Variants in CACNA1D observed in about 807,000 individuals in gnomAD.
CACNA1D encodes the protein calcium voltage-gated channel subunit alpha1 D, also known as voltage-dependent L-type calcium channel subunit alpha-1D.
Under a neutral mutation model 257.1 loss-of-function variants are expected in CACNA1D, and 55 were observed. The observed-to-expected ratio is 0.21, with a 90% confidence interval of 0.17 to 0.27. The LOEUF is 0.27. Among genes scored for constraint, CACNA1D ranks in the 10% least tolerant of loss-of-function variants. The pLI is 1.00. For missense variants in CACNA1D, 1,876 were observed against 2,784.0 expected (o/e 0.67, Z 7.34); for synonymous variants, 980 against 1,014.9 (o/e 0.97, Z 0.65).
intron 3 of CACNA1D, among the ~76,000 whole-genome samples, chr3:53,566,775 C>T (rs2092849452): frequency 6.6e-6 from 1 of 152,194 alleles, no homozygotes; most frequent in African/African-American, 2.4e-5. Context: ...TTGCTTGCCT[C>T]TCTGTCGGAA....
chr3:53,572,623 C>T (rs1207889302), intron 3 of CACNA1D, among the ~76,000 whole-genome samples: 1 of 152,118 alleles, frequency 6.6e-6, no homozygotes, highest in Non-Finnish European at 1.5e-5. Context: ...TGGTCTCGAA[C>T]TCATAAGCTG....
Position 53,673,931 on chromosome 3 carries a change from T to TC in CACNA1D, c.1220+806dup, listed in dbSNP as rs2094349479. 1.3e-6 allele frequency: 1 copy of TC among 754,960 alleles called. No homozygotes were observed. The highest frequency in any genetic ancestry group is 2.5e-6 in the Non-Finnish European group (1 of 406,748). 46.8% of individuals were successfully genotyped at this position (754,960 alleles called of 1,614,324 possible). On this transcript the variant is annotated intron_variant, in intron 8 of 47. Coordinates refer to ENST00000350061, the MANE Select transcript of CACNA1D (RefSeq NM_001128840.3). This position sits in a 1 kb window ranked among gnomAD's most constrained non-coding sequence, Gnocchi z 4.1. ...TGCATGTGTTTGGACTCTGATGTCC[T>TC]CTCAGTGTGTTGCTTTTGGATTGAA...
intron 4 of CACNA1D, among the ~76,000 whole-genome samples, chr3:53,653,085 TAC>T (rs2094113992): frequency 2.6e-5 from 4 of 152,162 alleles, no homozygotes; most frequent in Admixed American, 6.5e-5. Context: ...ACCCCCTGTC[TAC>T]TAAAAATGCA....
At position 53,800,370 on chromosome 3, in the gene CACNA1D, T is replaced by C; in HGVS notation, c.5040+5T>C. 2 of 1,566,096 alleles carry C rather than the reference T, an allele frequency of 1.3e-6. No homozygotes were observed. Among genetic ancestry groups the C allele is most frequent in the Non-Finnish European group, 1.8e-6 (2 of 1,136,038 alleles). On this transcript the variant is annotated splice_donor_5th_base_variant and intron_variant, in intron 41 of 47. Coordinates refer to ENST00000350061, the MANE Select transcript of CACNA1D (RefSeq NM_001128840.3). The surrounding 1 kb of genome is among the most constrained non-coding windows in gnomAD (Gnocchi z 4.3). ...GAAGAAGATGATGTGTTCAAAGTAA[T>C]TATTCCACGCCTAGCTACACACTGG...
chr3:53,639,859 C>CTTTTTTTTTT (rs34925431), intron 3 of CACNA1D, among the ~76,000 whole-genome samples: 1 of 102,076 alleles, frequency 9.8e-6, no homozygotes, highest in Non-Finnish European at 1.9e-5. Flanking sequence ...TCATTTCTTA[C>CTTTTTTTTTT]TTTTTTTTTT....
intron 5 of CACNA1D, among the ~76,000 whole-genome samples, chr3:53,660,599 C>T (rs866714431): frequency 2.6e-5 from 4 of 152,232 alleles, no homozygotes; most frequent in Non-Finnish European, 4.4e-5. Flanking sequence ...CAACATGCTG[C>T]CATCCACGCC....
chr3:53,809,818 C>T, intron 46 of CACNA1D, 160 bp from the exon 47 acceptor site: 1 of 704,206 alleles, frequency 1.4e-6, no homozygotes, highest in Non-Finnish European at 2.6e-6. Flanking sequence ...GTCATCACCG[C>T]CCATTCATTC....
intron 29 of CACNA1D, among the ~76,000 whole-genome samples, chr3:53,755,179 C>T (rs576046288): frequency 6.6e-6 from 1 of 152,320 alleles, no homozygotes; most frequent in Non-Finnish European, 1.5e-5. Flanking sequence ...ATCGAAGGTA[C>T]TTGAGAAATG....
At position 53,745,798 on chromosome 3, in the gene CACNA1D, A is replaced by G. The variant is rs3821860; in HGVS notation, c.3115-25A>G. The G allele has an allele frequency of 0.36, 572,191 of 1,608,548 alleles. 105,981 individuals are homozygous for G. The highest frequency in any genetic ancestry group is 0.39 in the Non-Finnish European group (454,109 of 1,175,010). On this transcript the variant is annotated intron_variant, in intron 24 of 47. Transcript: ENST00000350061. ...TTTAAGGAGAAGCCTGCATTTACTT[A>G]ACTGCCTGTCTATTTTATACCCAGG...
Position 53,775,652 on chromosome 3 carries a change from C to T in CACNA1D, c.4203-234C>T, listed in dbSNP as rs112384875. Among the ~76,000 whole-genome samples, 34 of 152,248 alleles carry T rather than the reference C, an allele frequency of 2.2e-4. 1 individual carries two copies. Among genetic ancestry groups the T allele is most frequent in the African/African-American group, 7.7e-4 (32 of 41,518 alleles). On this transcript the variant is annotated intron_variant, in intron 34 of 47. Coordinates refer to ENST00000350061, the MANE Select transcript of CACNA1D (RefSeq NM_001128840.3). ...CATCCATTTATATGCAGACAGTTAG[C>T]GCGCTTGCATCAGATGATGGCTGTA...
chr3:53,533,370 G>C (rs1343988695), intron 3 of CACNA1D, among the ~76,000 whole-genome samples: 2 of 152,312 alleles, frequency 1.3e-5, no homozygotes, highest in East Asian at 3.9e-4. Context: ...TCGGCAAATG[G>C]GAAAGAGATT....
At chr3:53,694,288 G>T (rs1245327617) in intron 8 of CACNA1D, among the ~76,000 whole-genome samples, 3 of 152,212 alleles carry the variant, frequency 2.0e-5, no homozygotes, top group Non-Finnish European at 2.9e-5. Context: ...TCTCTCCCTG[G>T]AGTGGTGCTT....
chr3:53,619,137 G>A (rs2093668520), intron 3 of CACNA1D, among the ~76,000 whole-genome samples: 1 of 152,102 alleles, frequency 6.6e-6, no homozygotes, highest in Admixed American at 6.5e-5. Context: ...CCAATAAAAC[G>A]GGCACACCCC....
At chr3:53,557,488 CTG>C (rs759835144) in intron 3 of CACNA1D, among the ~76,000 whole-genome samples, 42 of 151,112 alleles carry the variant, frequency 2.8e-4, no homozygotes, top group Non-Finnish European at 5.7e-4. Flanking sequence ...GAGCGAAACT[CTG>C]TCTCAAAAAA....
At chr3:53,587,548 G>A (rs1040415993) in intron 3 of CACNA1D, among the ~76,000 whole-genome samples, 14 of 152,186 alleles carry the variant, frequency 9.2e-5, no homozygotes, top group African/African-American at 2.9e-4. Flanking sequence ...AGGCAGGAAT[G>A]GGGACAGGTG....
chr3:53,585,707 G>A (rs985786109), intron 3 of CACNA1D, among the ~76,000 whole-genome samples: 2 of 152,114 alleles, frequency 1.3e-5, no homozygotes, highest in African/African-American at 4.8e-5. Flanking sequence ...ACCTGCTAAT[G>A]ACTGTGCTCC....
In CACNA1D at chr3:53,774,827, AAC is replaced by A. The variant is rs1488369302; in HGVS notation, c.4202+153_4202+154del. 7 of 621,180 alleles carry A rather than the reference AAC, an allele frequency of 1.1e-5. No homozygotes were observed. The African/African-American group carries it at 1.3e-4, about 11-fold the overall frequency. 38.5% of individuals were successfully genotyped at this position (621,180 alleles called of 1,614,324 possible). ...TGTTTTTGTTTGTTCTGTATTCTTA[AAC>A]ACAGACCCTAGCATTTCAAACACAG... is the stretch of plus-strand genomic sequence containing the variant. On this transcript the variant is annotated intron_variant, in intron 34 of 47. Transcript: ENST00000350061. The surrounding 1 kb of genome is among the most constrained non-coding windows in gnomAD (Gnocchi z 4.3).
intron 47 of CACNA1D, 113 bp downstream of exon 47, chr3:53,810,411 C>A: frequency 9.9e-7 from 1 of 1,013,650 alleles, no homozygotes; most frequent in Non-Finnish European, 1.6e-6. Context: ...AGCTAGGCTG[C>A]CTCAATCAGA....
intron 3 of CACNA1D, among the ~76,000 whole-genome samples, chr3:53,526,799 A>T (rs2091781608): frequency 6.6e-6 from 1 of 152,198 alleles, no homozygotes; most frequent in Admixed American, 6.5e-5. Flanking sequence ...GAAATAAATG[A>T]AGTGATTTGA....
Sources: gnomAD v4.1 joint callset for allele counts (sites outside exome capture counted in the v4.1 genomes callset) on GRCh38, gnomAD v4.1.1 for gene constraint, Gnocchi (gnomAD v3.1) non-coding constraint, MANE v1.5 for transcripts, NCBI Gene and HGNC (gene_info 2026-07-23, HGNC 2026-07-21) for gene names.